AGBL1: variants seen among roughly 807,000 people sequenced by gnomAD.
AGBL1 encodes the protein cytosolic carboxypeptidase 4.
Under a neutral mutation model 118.9 loss-of-function variants are expected in AGBL1, and 130 were observed. The ratio of observed to expected loss-of-function variants is 1.09; its 90% CI spans 0.95 to 1.26. The LOEUF (loss-of-function observed/expected upper bound fraction) is 1.26, where lower values mean the gene tolerates loss of function less well. Ranked by LOEUF, AGBL1 falls within the 50% of genes most tolerant of loss-of-function variation. The pLI, the probability that AGBL1 is intolerant of heterozygous loss-of-function variation, is 0.00. For synonymous variants in AGBL1, 555 were observed against 478.9 expected (o/e 1.16, Z -2.08); for missense variants, 1,584 against 1,298.1 (o/e 1.22, Z -3.38).
chr15:86,151,301 TAAAA>T (rs199623183), intron 3 of AGBL1, among the ~76,000 whole-genome samples: 3 of 128,724 alleles, frequency 2.3e-5, no homozygotes, highest in East Asian at 2.2e-4. Context: ...AAAGTGTAAT[TAAAA>T]AAAAAAAAAA....
At chr15:86,357,522 C>T (rs2080739930) in intron 17 of AGBL1, among the ~76,000 whole-genome samples, 2 of 152,280 alleles carry the variant, frequency 1.3e-5, no homozygotes, top group African/African-American at 4.8e-5. Flanking sequence ...TACTCTCCAT[C>T]TAAGCTTTTA....
intron 22 of AGBL1, among the ~76,000 whole-genome samples, chr15:86,746,925 G>A (rs372203774): frequency 6.6e-6 from 1 of 151,926 alleles, no homozygotes; most frequent in Admixed American, 6.6e-5. Flanking sequence ...TTCAATCATA[G>A]ATTACCTTCT....
chr15:86,293,194 T>C (rs570459418), intron 16 of AGBL1, among the ~76,000 whole-genome samples: 3 of 152,336 alleles, frequency 2.0e-5, no homozygotes, highest in African/African-American at 7.2e-5. Context: ...AGTTGTCTAT[T>C]GCTGCAGTAA....
At chr15:86,956,958 A>G (rs2080937706) in intron 23 of AGBL1, among the ~76,000 whole-genome samples, 1 of 151,992 alleles carries the variant, frequency 6.6e-6, no homozygotes, top group African/African-American at 2.4e-5. Context: ...AAAACGGTAT[A>G]GATTGTTGAA....
At chr15:86,236,363 C>A (rs1387198210) in intron 6 of AGBL1, among the ~76,000 whole-genome samples, 2 of 135,780 alleles carry the variant, frequency 1.5e-5, no homozygotes, top group East Asian at 2.1e-4. Flanking sequence ...TTTTTTTTTT[C>A]CAGTAGGGGA....
rs182805270 is a variant in AGBL1 at position 86,437,492 on chromosome 15, C to G, written c.2555+39946C>G. ...AGTCCCTTCTTCACAGTCTGGTGCT[C>G]TCAAAGAACTACCTTATCCTGAACC... On this transcript the variant is annotated intron_variant, in intron 18 of 22. Coordinates refer to ENST00000614907, the MANE Select transcript of AGBL1 (RefSeq NM_001386094.1). 4.6e-5 allele frequency among the ~76,000 whole-genome samples: 7 copies of G among 152,276 alleles called. No homozygotes were observed. In the East Asian group the frequency reaches 1.4e-3, roughly 29 times the overall value.
At chr15:86,738,850 A>T (rs1409756933) in intron 22 of AGBL1, among the ~76,000 whole-genome samples, 1 of 152,186 alleles carries the variant, frequency 6.6e-6, no homozygotes. Context: ...ACTTAAAAAA[A>T]TATCCCAGCC....
intron 23 of AGBL1, among the ~76,000 whole-genome samples, chr15:86,982,749 G>A (rs78480627): frequency 6.6e-6 from 1 of 151,890 alleles, no homozygotes; most frequent in Non-Finnish European, 1.5e-5. Flanking sequence ...TTACTTTATT[G>A]TAAGAATACA....
intron 18 of AGBL1, among the ~76,000 whole-genome samples, chr15:86,429,068 C>G (rs899912874): frequency 6.6e-6 from 1 of 152,180 alleles, no homozygotes; most frequent in African/African-American, 2.4e-5. Context: ...AGACAATATC[C>G]TTTCCCTTCG....
intron 22 of AGBL1, among the ~76,000 whole-genome samples, chr15:86,812,015 A>T (rs1171014087): frequency 2.0e-5 from 3 of 152,224 alleles, no homozygotes; most frequent in Non-Finnish European, 1.5e-5. Flanking sequence ...ATAAGAACGC[A>T]CTTTGTAAAC....
intron 18 of AGBL1, among the ~76,000 whole-genome samples, chr15:86,423,815 C>A (rs2081827234): frequency 6.6e-6 from 1 of 152,106 alleles, no homozygotes; most frequent in Non-Finnish European, 1.5e-5. Flanking sequence ...CCTAGCAATA[C>A]AACTTACAAG....
chr15:86,416,627 A>G (rs910432885), intron 18 of AGBL1, among the ~76,000 whole-genome samples: 1 of 152,194 alleles, frequency 6.6e-6, no homozygotes, highest in Non-Finnish European at 1.5e-5. Flanking sequence ...TTGGCAGTGC[A>G]TTATTGAGTG....
intron 5 of AGBL1, among the ~76,000 whole-genome samples, chr15:86,202,095 C>A (rs961048270): frequency 1.3e-5 from 2 of 152,118 alleles, no homozygotes; most frequent in African/African-American, 4.8e-5. Flanking sequence ...GAGTTCGACA[C>A]CAGCCTGGCC....
chr15:87,004,720 A>T (rs2081480093), intron 24 of AGBL1, among the ~76,000 whole-genome samples: 1 of 152,102 alleles, frequency 6.6e-6, no homozygotes, highest in Non-Finnish European at 1.5e-5. Flanking sequence ...TGTGAATTTG[A>T]TCCTGTCATT....
At chr15:87,013,887 T>A (rs533249899) in intron 24 of AGBL1, among the ~76,000 whole-genome samples, 1 of 152,308 alleles carries the variant, frequency 6.6e-6, no homozygotes, top group Non-Finnish European at 1.5e-5. Context: ...GCTTTGAACA[T>A]AGACACACTT....
At chr15:86,877,072 T>C in intron 22 of AGBL1, among the ~76,000 whole-genome samples, 1 of 152,196 alleles carries the variant, frequency 6.6e-6, no homozygotes, top group East Asian at 1.9e-4. Flanking sequence ...ATGAGCTCTC[T>C]TCTCAGATCC....
intron 1 of AGBL1, among the ~76,000 whole-genome samples, chr15:86,113,506 G>A (rs980508442): frequency 6.6e-6 from 1 of 151,662 alleles, no homozygotes; most frequent in East Asian, 1.9e-4. Context: ...GGCTGGTCTC[G>A]AACTCCTGAC....
chr15:86,814,275 CTAAT>C (rs1490990078), intron 22 of AGBL1, among the ~76,000 whole-genome samples: 2 of 152,200 alleles, frequency 1.3e-5, no homozygotes, highest in Admixed American at 6.5e-5. Context: ...GATAATCTAA[CTAAT>C]GCCTGATGAT....
intron 22 of AGBL1, among the ~76,000 whole-genome samples, chr15:86,849,109 T>A (rs998728795): frequency 6.6e-6 from 1 of 152,226 alleles, no homozygotes; most frequent in Non-Finnish European, 1.5e-5. Flanking sequence ...AGCTTTCTCA[T>A]TGAAAGCTAA....
Sources: gnomAD v4.1 joint callset for allele counts (sites outside exome capture counted in the v4.1 genomes callset) on GRCh38, gnomAD v4.1.1 for gene constraint, MANE v1.5 for transcripts, NCBI Gene and HGNC (gene_info 2026-07-23, HGNC 2026-07-21) for gene names.